Variants in TAF12 observed in about 807,000 individuals in gnomAD.
TAF12 encodes transcription initiation factor TFIID subunit 12.
A neutral mutation model predicts 20.8 loss-of-function variants in TAF12; 3 were observed. The observed-to-expected ratio is 0.14, with a 90% confidence interval of 0.07 to 0.37. The LOEUF (loss-of-function observed/expected upper bound fraction) is 0.37, where lower values mean the gene tolerates loss of function less well. Ranked by LOEUF, TAF12 falls within the 10% of genes least tolerant of loss-of-function variation. The pLI is 1.00. For missense variants in TAF12, 131 were observed against 197.9 expected, an observed-to-expected ratio of 0.66 and a Z score of 2.03; for synonymous variants, 69 against 70.2, an observed-to-expected ratio of 0.98 and a Z score of 0.09.
chr1:28,624,951 C>T (rs1352022637), intron 1 of TAF12, among the ~76,000 whole-genome samples: 1 of 152,082 alleles, frequency 6.6e-6, no homozygotes, highest in Non-Finnish European at 1.5e-5. Flanking sequence ...CCTCCTTCTC[C>T]CCTACCCACA....
chr1:28,634,996 G>A (rs1241676352), intron 1 of TAF12, among the ~76,000 whole-genome samples: 1 of 151,606 alleles, frequency 6.6e-6, no homozygotes, highest in East Asian at 2.0e-4. Flanking sequence ...GGAGGCCGAG[G>A]CAGGCGGATC....
At chr1:28,629,676 T>G (rs1356162942) in intron 1 of TAF12, among the ~76,000 whole-genome samples, 1 of 152,146 alleles carries the variant, frequency 6.6e-6, no homozygotes, top group Non-Finnish European at 1.5e-5. Flanking sequence ...TAGGTCTTGC[T>G]GTTGCCCAGG....
At chr1:28,604,662 A>AGC (rs1222769694) in intron 5 of TAF12, among the ~76,000 whole-genome samples, 1 of 152,168 alleles carries the variant, frequency 6.6e-6, no homozygotes, top group Non-Finnish European at 1.5e-5. Flanking sequence ...GGCTCCAGAG[A>AGC]TACCAGGCTA....
intron 4 of TAF12, among the ~76,000 whole-genome samples, chr1:28,612,520 AAT>A (rs974027953): frequency 2.2e-5 from 3 of 138,934 alleles, no homozygotes; most frequent in Non-Finnish European, 4.5e-5. Flanking sequence ...ATTATATATA[AAT>A]ATATATAAAT....
At chr1:28,625,601 G>A (rs1012227230) in intron 1 of TAF12, among the ~76,000 whole-genome samples, 1 of 150,640 alleles carries the variant, frequency 6.6e-6, no homozygotes, top group African/African-American at 2.5e-5. Flanking sequence ...GACTGCAGTG[G>A]CACTAACTCG....
intron 1 of TAF12, among the ~76,000 whole-genome samples, chr1:28,626,347 C>G (rs1348764677): frequency 1.3e-5 from 2 of 151,642 alleles, no homozygotes; most frequent in Admixed American, 1.3e-4. Flanking sequence ...TAGGAGGCCA[C>G]GGCAGGTGGA....
chr1:28,636,141 A>C (rs535811030), intron 1 of TAF12, among the ~76,000 whole-genome samples: 1 of 152,248 alleles, frequency 6.6e-6, no homozygotes, highest in East Asian at 1.9e-4. Context: ...GAAATGCAAG[A>C]TTTTTTTCCA....
intron 1 of TAF12, among the ~76,000 whole-genome samples, chr1:28,624,303 T>C (rs560941163): frequency 6.6e-6 from 1 of 152,308 alleles, no homozygotes; most frequent in East Asian, 1.9e-4. Context: ...GAATATTTTA[T>C]TGGGCAAAAT....
At chr1:28,621,437 G>A (rs968773403) in intron 2 of TAF12, among the ~76,000 whole-genome samples, 17 of 152,096 alleles carry the variant, frequency 1.1e-4, no homozygotes, top group African/African-American at 3.4e-4. Context: ...AGAAGCAAGA[G>A]TACTTTTATC....
chr1:28,617,992 T>C lies in TAF12; in HGVS notation c.207A>G (p.Glu69=), dbSNP rs569037333. 6.8e-6 allele frequency: 11 copies of C among 1,614,028 alleles called. No homozygotes were observed. The South Asian group carries it at 9.9e-5, about 15-fold the overall frequency. The change falls in exon 3 of 6, where the codon GAA becomes GAG. Residue 69 remains glutamate, a synonymous_variant. Coordinates refer to ENST00000373824, the MANE Select transcript of TAF12 (RefSeq NM_005644.4). ...CATCCAACTGCTCATTAGGATCCAC[T>C]TCTCTTACTAAGTCCTGTAATTTCT... The part of the protein sequence containing the change: ...TKKKLQDLVR[E]VDPNEQLDED...
upstream of TAF12, chr1:28,643,198 TTG>T (rs1668099898): frequency 1.3e-6 from 1 of 794,976 alleles, no homozygotes; most frequent in African/African-American, 1.9e-5. Flanking sequence ...GGTGGCGATA[TTG>T]AGCTGTGTGT....
upstream of TAF12, chr1:28,646,104 C>G (rs1046454381): frequency 6.8e-6 from 1 of 146,962 alleles, no homozygotes; most frequent in Non-Finnish European, 1.5e-5. Flanking sequence ...GACACTGTCT[C>G]TAAAAAAAAA....
chr1:28,643,218 C>T (rs1328845654), upstream of TAF12: 4 of 621,328 alleles, frequency 6.4e-6, no homozygotes, highest in Non-Finnish European at 8.0e-6. Flanking sequence ...TGTAGGTACA[C>T]CCTGCAGCTT....
chr1:28,632,329 G>A (rs771187865), intron 1 of TAF12, among the ~76,000 whole-genome samples: 4 of 152,152 alleles, frequency 2.6e-5, no homozygotes, highest in East Asian at 1.9e-4. Context: ...CCAGCTACTC[G>A]GGAGGCTGAG....
intron 3 of TAF12, among the ~76,000 whole-genome samples, chr1:28,617,412 G>A (rs575424562): frequency 6.6e-6 from 1 of 151,428 alleles, no homozygotes; most frequent in South Asian, 2.1e-4. Flanking sequence ...CTAGTAGCTG[G>A]AACTACAGGT....
At chr1:28,645,801 T>G (rs1228779483), upstream of TAF12, among the ~76,000 whole-genome samples, 1 of 151,722 alleles carries the variant, frequency 6.6e-6, no homozygotes, top group Non-Finnish European at 1.5e-5. Flanking sequence ...TGAAACCTAC[T>G]AAAAATATTT....
chr1:28,643,247 G>T, upstream of TAF12: 1 of 341,062 alleles, frequency 2.9e-6, no homozygotes, highest in Non-Finnish European at 4.2e-6. Context: ...AACTGCTTGT[G>T]GTTGAGTGGC....
At chr1:28,615,857 A>G (rs1667022963) in intron 3 of TAF12, among the ~76,000 whole-genome samples, 1 of 152,200 alleles carries the variant, frequency 6.6e-6, no homozygotes, top group African/African-American at 2.4e-5. Flanking sequence ...ACTCTGAAGT[A>G]AAGTCTTGTG....
intron 4 of TAF12, 69 bp downstream of exon 4, chr1:28,613,178 C>G: frequency 7.3e-7 from 1 of 1,368,872 alleles, no homozygotes; most frequent in South Asian, 1.4e-5. Context: ...GTTCCTCTGA[C>G]TACACTTTCC....
Sources: allele counts gnomAD v4.1 joint callset (sites outside exome capture counted in the v4.1 genomes callset), GRCh38; gene constraint gnomAD v4.1.1; transcripts MANE v1.5; gene names NCBI Gene and HGNC (gene_info 2026-07-23, HGNC 2026-07-21).